The following ADK variants were observed in gnomAD, a reference collection of about 807,000 sequenced individuals.
ADK encodes adenosine kinase.
A neutral mutation model predicts 44.7 loss-of-function variants in ADK; 24 were observed. The ratio of observed to expected loss-of-function variants is 0.54; its 90% confidence interval spans 0.39 to 0.76. ADK has a LOEUF of 0.76. ADK is among the 30% of genes least tolerant of loss of function. The probability of loss-of-function intolerance (pLI) is 0.00; values close to 1 mark genes in which losing one functional copy is unlikely to be tolerated. For synonymous variants in ADK, 128 were observed against 142.6 expected (o/e 0.90, Z 0.73); for missense variants, 321 against 425.1 (o/e 0.76, Z 2.15).
chr10:74,585,524 GTT>G (rs1851500421), intron 7 of ADK, among the ~76,000 whole-genome samples: 1 of 152,164 alleles, frequency 6.6e-6, no homozygotes, highest in Admixed American at 6.5e-5. Flanking sequence ...TTCCTGGCCT[GTT>G]TAGTTTTGCT....
At chr10:74,297,552 A>G (rs1839861606) in intron 3 of ADK, among the ~76,000 whole-genome samples, 2 of 152,206 alleles carry the variant, frequency 1.3e-5, no homozygotes, top group South Asian at 4.1e-4. Context: ...ATTTATTCAT[A>G]TGTTACCATA....
chr10:74,493,671 T>C (rs1847575551), intron 6 of ADK, among the ~76,000 whole-genome samples: 1 of 152,024 alleles, frequency 6.6e-6, no homozygotes, highest in African/African-American at 2.4e-5. Context: ...GGGACAATTC[T>C]TAGCACATAA....
Position 74,468,236 on chromosome 10 carries a change from C to G in ADK, c.556-57020C>G, listed in dbSNP as rs530715755. Among the ~76,000 whole-genome samples, 17 of 152,240 alleles carry G rather than the reference C, an allele frequency of 1.1e-4. No individual in the cohort carries two copies. In the East Asian group the frequency reaches 2.5e-3, roughly 22 times the overall value. ...CGTAAAGACAAAGGCTATGCCTTAA[C>G]TTTTTTGCCATTCTTATTTTTGAGA... On this transcript the variant is annotated intron_variant, in intron 6 of 10. Coordinates refer to ENST00000539909, the MANE Select transcript of ADK (RefSeq NM_006721.4).
At chr10:74,377,523 C>CTA (rs1428981931) in intron 4 of ADK, among the ~76,000 whole-genome samples, 2 of 152,178 alleles carry the variant, frequency 1.3e-5, no homozygotes, top group Non-Finnish European at 1.5e-5. Context: ...AAATCAGACT[C>CTA]TATACATCAA....
At position 74,227,136 on chromosome 10, in the gene ADK, A is replaced by G. The variant is rs541376184; in HGVS notation, c.194+2545A>G. ...GAGTGTATAACAACTCACCTGCTGT[A>G]TTAAAAACAAAAAAATCTTTTTGTG... On this transcript the variant is annotated intron_variant, in intron 3 of 10. Coordinates refer to ENST00000539909, the MANE Select transcript of ADK (RefSeq NM_006721.4). Among the ~76,000 whole-genome samples the G allele has an allele frequency of 3.0e-4, 46 of 152,318 alleles. 2 individuals are homozygous for G. The highest frequency in any genetic ancestry group is 1.1e-3 in the African/African-American group (45 of 41,560).
intron 6 of ADK, among the ~76,000 whole-genome samples, chr10:74,496,277 T>C (rs901178203): frequency 6.6e-6 from 1 of 152,200 alleles, no homozygotes; most frequent in African/African-American, 2.4e-5. Context: ...GGTTTTGCTC[T>C]GTGTCCCCAC....
At chr10:74,173,091 T>A (rs1842214234) in intron 1 of ADK, among the ~76,000 whole-genome samples, 1 of 151,886 alleles carries the variant, frequency 6.6e-6, no homozygotes, top group African/African-American at 2.4e-5. Context: ...AAAATTAGTT[T>A]TTTTTTTTTC....
At chr10:74,162,751 C>T (rs563569699) in intron 1 of ADK, among the ~76,000 whole-genome samples, 3 of 152,054 alleles carry the variant, frequency 2.0e-5, no homozygotes, top group Non-Finnish European at 4.4e-5. Context: ...CCATGTTGGC[C>T]AGGCTGGTCT....
At chr10:74,170,622 C>T (rs905924690) in intron 1 of ADK, among the ~76,000 whole-genome samples, 2 of 151,556 alleles carry the variant, frequency 1.3e-5, no homozygotes, top group Non-Finnish European at 2.9e-5. Context: ...CACGGTGAAA[C>T]CCTGTCTCTA....
chr10:74,644,712 G>A (rs1265893628), intron 9 of ADK, among the ~76,000 whole-genome samples: 1 of 151,972 alleles, frequency 6.6e-6, no homozygotes, highest in African/African-American at 2.4e-5. Context: ...TAATTTTTTT[G>A]TAGAGATGGG....
chr10:74,654,664 T>C (rs1271071801), intron 9 of ADK, among the ~76,000 whole-genome samples: 1 of 152,062 alleles, frequency 6.6e-6, no homozygotes, highest in Non-Finnish European at 1.5e-5. Flanking sequence ...ATACAAAAAT[T>C]AGCCGGGTGT....
In ADK at chr10:74,200,865, T is replaced by G. The variant is rs1243786222; in HGVS notation, c.140+27T>G. The G allele has an allele frequency of 2.9e-6, 4 of 1,374,274 alleles. No homozygotes were observed. In the African/African-American group the frequency reaches 4.3e-5, roughly 15 times the overall value. 85.1% of individuals were successfully genotyped at this position (1,374,274 alleles called of 1,614,324 possible). On this transcript the variant is annotated intron_variant, in intron 2 of 10. Coordinates refer to ENST00000539909, the MANE Select transcript of ADK (RefSeq NM_006721.4). Reference sequence around the variant, plus strand: ...TAAGTATTAAACTCTTCATATGCACTATGTGGAACTTACATTTGAAGAAGA... The same window carrying G: ...TAAGTATTAAACTCTTCATATGCACGATGTGGAACTTACATTTGAAGAAGA...
intron 6 of ADK, among the ~76,000 whole-genome samples, chr10:74,456,090 G>C (rs1280881290): frequency 1.3e-5 from 2 of 151,780 alleles, no homozygotes; most frequent in Non-Finnish European, 2.9e-5. Flanking sequence ...AATAATAGTG[G>C]GAGACTTTAA....
At chr10:74,405,191 C>G (rs953460747) in intron 6 of ADK, among the ~76,000 whole-genome samples, 3 of 151,954 alleles carry the variant, frequency 2.0e-5, no homozygotes, top group Non-Finnish European at 4.4e-5. Flanking sequence ...TTTCTTACTA[C>G]TGGGGGAAGA....
At chr10:74,578,767 A>G (rs760566071) in intron 7 of ADK, among the ~76,000 whole-genome samples, 9 of 152,230 alleles carry the variant, frequency 5.9e-5, no homozygotes, top group Non-Finnish European at 1.5e-5. Context: ...TTACAGTAAT[A>G]TAGAATATGT....
chr10:74,649,578 T>C (rs1202550495), intron 9 of ADK, among the ~76,000 whole-genome samples: 1 of 152,004 alleles, frequency 6.6e-6, no homozygotes, highest in Non-Finnish European at 1.5e-5. Context: ...TGAGTCTTGA[T>C]TGCACCACTG....
At chr10:74,217,340 C>G (rs1021761868) in intron 2 of ADK, among the ~76,000 whole-genome samples, 11 of 152,238 alleles carry the variant, frequency 7.2e-5, no homozygotes, top group African/African-American at 2.7e-4. Context: ...ATTGCCCAGG[C>G]TTGCTTAGCT....
At chr10:74,336,411 C>T (rs1189901005) in intron 4 of ADK, among the ~76,000 whole-genome samples, 1 of 152,100 alleles carries the variant, frequency 6.6e-6, no homozygotes, top group Non-Finnish European at 1.5e-5. Context: ...TCATACTTCT[C>T]TGATTACTGT....
chr10:74,287,970 G>A (rs895977035), intron 3 of ADK, among the ~76,000 whole-genome samples: 5 of 133,342 alleles, frequency 3.7e-5, no homozygotes, highest in African/African-American at 1.5e-4. Context: ...GCGATGTACT[G>A]AGACCCTGTC....
Sources: allele counts gnomAD v4.1 joint callset (sites outside exome capture counted in the v4.1 genomes callset), GRCh38; gene constraint gnomAD v4.1.1; transcripts MANE v1.5; gene names NCBI Gene and HGNC (gene_info 2026-07-23, HGNC 2026-07-21).